Variants in EXOC2 observed in about 807,000 individuals in gnomAD.
EXOC2 encodes the protein exocyst complex component 2.
A neutral mutation model predicts 131.8 loss-of-function variants in EXOC2; 70 were observed. The observed-to-expected ratio is 0.53, with a 90% CI of 0.44 to 0.65. The LOEUF (loss-of-function observed/expected upper bound fraction) is 0.65. EXOC2 is among the 30% of genes least tolerant of loss of function. The pLI is 0.00. For missense variants in EXOC2, 923 were observed against 1,108.6 expected (o/e 0.83, Z 2.38); for synonymous variants, 411 against 398.4 (o/e 1.03, Z -0.38).
At chr6:643,021 T>C (rs971323721) in intron 1 of EXOC2, among the ~76,000 whole-genome samples, 8 of 151,882 alleles carry the variant, frequency 5.3e-5, no homozygotes, top group African/African-American at 1.9e-4. Context: ...ACAAAGCAAT[T>C]TGGTAGGAGA....
At chr6:564,306 T>G in intron 15 of EXOC2, 152 bp from the exon 16 acceptor site, 1 of 1,281,832 alleles carries the variant, frequency 7.8e-7, no homozygotes, top group Non-Finnish European at 1.1e-6. Context: ...GACTGTACTG[T>G]CAGAGTAATA....
At chr6:578,006 T>C (rs922635083) in intron 11 of EXOC2, among the ~76,000 whole-genome samples, 5 of 152,230 alleles carry the variant, frequency 3.3e-5, no homozygotes, top group African/African-American at 1.2e-4. Flanking sequence ...CTAGAGTCTG[T>C]AGTTCATTAA....
intron 23 of EXOC2, among the ~76,000 whole-genome samples, chr6:510,031 G>A (rs1764756596): frequency 6.6e-6 from 1 of 151,254 alleles, no homozygotes; most frequent in Non-Finnish European, 1.5e-5. Context: ...AAAAAACTTT[G>A]GTGTATTTTT....
At chr6:623,007 G>A (rs1761371312) in intron 4 of EXOC2, among the ~76,000 whole-genome samples, 1 of 152,226 alleles carries the variant, frequency 6.6e-6, no homozygotes, top group South Asian at 2.1e-4. Flanking sequence ...CCTACCCCCA[G>A]GAGTCCCTCC....
intron 22 of EXOC2, among the ~76,000 whole-genome samples, chr6:533,981 A>C (rs1766266772): frequency 6.6e-6 from 1 of 152,242 alleles, no homozygotes; most frequent in Non-Finnish European, 1.5e-5. Context: ...GAACAGAAAA[A>C]AGAAAGAAAA....
intron 21 of EXOC2, among the ~76,000 whole-genome samples, chr6:551,530 G>A (rs568934793): frequency 5.9e-5 from 9 of 152,248 alleles, no homozygotes; most frequent in Non-Finnish European, 1.0e-4. Flanking sequence ...GAGAGCTGCC[G>A]CGTCACAGGG....
chr6:584,362 T>C (rs760380695), intron 11 of EXOC2, among the ~76,000 whole-genome samples: 1 of 152,250 alleles, frequency 6.6e-6, no homozygotes, highest in African/African-American at 2.4e-5. Context: ...AATAGCAAGA[T>C]ATAACAGTTT....
chr6:610,174 G>A lies in EXOC2; in HGVS notation c.666C>T (p.Ile222=). Residue 222 remains isoleucine (I), a synonymous_variant, in exon 7 of 28, where the codon ATC becomes ATT. Coordinates refer to ENST00000230449, the MANE Select transcript of EXOC2 (RefSeq NM_018303.6). ...TTCCATCTGCTTCTAGTTTTTGATG[G>A]ATGGCTAGAAAAAAAAATCTAGTTA... is the stretch of plus-strand genomic sequence containing the variant. ...FFEAQDALSA[I]HQKLEADGTE... 1 of 1,613,432 alleles carries A rather than the reference G, an allele frequency of 6.2e-7. No homozygotes were observed. The highest frequency in any genetic ancestry group is 1.3e-5 in the African/African-American group (1 of 74,902).
chr6:660,008 C>A (rs886998456), intron 1 of EXOC2, among the ~76,000 whole-genome samples: 1 of 93,066 alleles, frequency 1.1e-5, no homozygotes, highest in African/African-American at 3.8e-5. Context: ...GGGGGGGACA[C>A]GGGGGGCACG....
chr6:605,206 T>C (rs1211198050), intron 7 of EXOC2, among the ~76,000 whole-genome samples: 1 of 152,218 alleles, frequency 6.6e-6, no homozygotes, highest in East Asian at 1.9e-4. Context: ...CTTTGCACAG[T>C]GTGCAGGGCT....
chr6:556,076 AG>A, intron 18 of EXOC2, 63 bp from the exon 19 acceptor site: 1 of 1,463,578 alleles, frequency 6.8e-7, no homozygotes, highest in East Asian at 2.3e-5. Flanking sequence ...TTGTATATGA[AG>A]TTAGATATGA....
At chr6:581,295 CAA>C (rs1170685484) in intron 11 of EXOC2, among the ~76,000 whole-genome samples, 7 of 71,970 alleles carry the variant, frequency 9.7e-5, no homozygotes, top group East Asian at 3.6e-4. Flanking sequence ...GACTCTGTCT[CAA>C]AAAAAAAAAA....
chr6:490,389 C>CA (rs1274752318), intron 26 of EXOC2, among the ~76,000 whole-genome samples: 2 of 152,170 alleles, frequency 1.3e-5, no homozygotes, highest in African/African-American at 4.8e-5. Context: ...TGTGGCTCAA[C>CA]AGTGAACATG....
rs775714723 is a variant in EXOC2, at chr6:617,728, G to A, written c.644C>T (p.Ala215Val). ...VKGGLSTFFE[A>V]QDALSAIHQK... is the part of the protein sequence containing the mutation. ...CGCCTTACCTGAGAGGGCATCCTGT[G>A]CTTCGAAGAATGTACTGAGACCGCC... The change falls in exon 6 of 28, where the codon GCA becomes GTA. Residue 215 changes from alanine (A) to valine (V), a missense_variant. By Grantham distance (64) the Ala-to-Val change is moderately conservative (BLOSUM62 0). Coordinates refer to ENST00000230449, the MANE Select transcript of EXOC2 (RefSeq NM_018303.6). 2 of 1,612,716 alleles carry A rather than the reference G, an allele frequency of 1.2e-6. No homozygotes were observed. Among genetic ancestry groups the A allele is most frequent in the African/African-American group, 1.3e-5 (1 of 74,898 alleles).
Position 598,996 on chromosome 6 carries a change from T to C in EXOC2, c.889-55A>G, listed in dbSNP as rs182131207. 85 of 1,565,204 alleles carry C rather than the reference T, an allele frequency of 5.4e-5. No homozygotes were observed. In the African/African-American group the frequency reaches 1.0e-3, roughly 19 times the overall value. On this transcript the variant is annotated intron_variant, in intron 8 of 27. Coordinates refer to ENST00000230449, the MANE Select transcript of EXOC2 (RefSeq NM_018303.6). Reference sequence around the variant, plus strand: ...GTCAGTAATGCAAAATGAAGACATTTGGTTAATATAAAAAACATCTTAAAA... The same window carrying C: ...GTCAGTAATGCAAAATGAAGACATTCGGTTAATATAAAAAACATCTTAAAA...
At chr6:569,169 T>C (rs991754599) in intron 13 of EXOC2, among the ~76,000 whole-genome samples, 2 of 152,260 alleles carry the variant, frequency 1.3e-5, no homozygotes, top group Non-Finnish European at 2.9e-5. Context: ...TTAATATTCA[T>C]CAATTATTTG....
Position 669,514 on chromosome 6 carries a change from G to A in EXOC2, c.-44+23505C>T, listed in dbSNP as rs139129987. ...GGGCCAGTCTTCATCTCAAGGTGAG[G>A]CAGAAGACTGGCAGGCACTTTGACT... On this transcript the variant is annotated intron_variant, in intron 1 of 27. Transcript: ENST00000230449. 4.3e-3 allele frequency: 652 copies of A among 152,408 alleles called. 7 individuals are homozygous for A. The highest frequency in any genetic ancestry group is 0.013 in the African/African-American group (557 of 41,562). 9.4% of individuals were successfully genotyped at this position (152,408 alleles called of 1,614,324 possible).
chr6:542,450 C>G (rs951129328), intron 22 of EXOC2, among the ~76,000 whole-genome samples: 2 of 152,094 alleles, frequency 1.3e-5, no homozygotes, highest in African/African-American at 4.8e-5. Context: ...GGAGGAGAGG[C>G]CCTACAGGCT....
intron 1 of EXOC2, among the ~76,000 whole-genome samples, chr6:644,618 AACTAATAGC>A (rs1367174891): frequency 6.6e-6 from 1 of 152,160 alleles, no homozygotes; most frequent in Non-Finnish European, 1.5e-5. Flanking sequence ...TCTACTAAGC[AACTAATAGC>A]ACTAATAGCC....
Sources: gnomAD v4.1 joint callset for allele counts (sites outside exome capture counted in the v4.1 genomes callset) on GRCh38, gnomAD v4.1.1 for gene constraint, MANE v1.5 for transcripts, NCBI Gene and HGNC (gene_info 2026-07-23, HGNC 2026-07-21) for gene names.